Variants in TANGO6 observed in about 807,000 individuals in gnomAD.
TANGO6 encodes transport and Golgi organization protein 6 homolog.
In TANGO6, 90 loss-of-function variants were observed where a neutral mutation model predicts 114.2. The ratio of observed to expected loss-of-function variants is 0.79; its 90% CI spans 0.66 to 0.94. TANGO6 has a LOEUF of 0.94. TANGO6 is among the 40% of genes least tolerant of loss of function. The pLI is 0.00. For synonymous variants in TANGO6, 477 were observed against 509.8 expected, an observed-to-expected ratio of 0.94 and a Z score of 0.87; for missense variants, 1,274 against 1,315.3, an observed-to-expected ratio of 0.97 and a Z score of 0.49.
intron 8 of TANGO6, among the ~76,000 whole-genome samples, 190 bp downstream of exon 8, chr16:68,900,736 T>G (rs890247399): frequency 6.6e-6 from 1 of 152,212 alleles, no homozygotes; most frequent in African/African-American, 2.4e-5. Context: ...CACAGGGCAT[T>G]GGATACAGTT....
rs531638872 is a variant in TANGO6, at chr16:69,040,218, G to A, written c.2995-90G>A. The stretch of plus-strand genomic sequence containing the variant: ...CTCTCTAAGCCAGATTGCTCTTGAT[G>A]AATGTGTAGTAAGTGGAACACAGTT... On this transcript the variant is annotated intron_variant, in intron 16 of 17. Transcript: ENST00000261778. The A allele has an allele frequency of 8.1e-5, 90 of 1,109,956 alleles. 1 individual carries two copies. In the South Asian group the frequency reaches 1.3e-3, roughly 16 times the overall value. The allele number at this position is 1,109,956 out of a possible 1,614,324, so 68.8% of individuals were successfully genotyped here. A position where few individuals can be genotyped will look rare whatever the true frequency, so the allele number is the denominator to read the frequency against.
chr16:68,947,887 C>G (rs114423654), intron 14 of TANGO6, among the ~76,000 whole-genome samples: 3,178 of 152,202 alleles, frequency 0.021, 117 homozygotes, highest in African/African-American at 0.073. Context: ...CCATCACGCC[C>G]AGACTACAAC....
chr16:69,074,295 T>A (rs965123713), intron 17 of TANGO6, among the ~76,000 whole-genome samples: 1 of 149,696 alleles, frequency 6.7e-6, no homozygotes, highest in African/African-American at 2.4e-5. Flanking sequence ...ATATATATAT[T>A]ACAGAAAAGG....
Position 69,022,928 on chromosome 16 carries a change from TG to T in TANGO6, c.2947del (p.Glu983SerfsTer17). 6.2e-7 allele frequency: 1 copy of T among 1,605,218 alleles called. No homozygotes were observed. The highest frequency in any genetic ancestry group is 1.1e-5 in the South Asian group (1 of 89,072). On this transcript the variant is annotated frameshift_variant, in exon 16 of 18. Transcript: ENST00000261778. LOFTEE classifies it high-confidence loss of function. ...ACAGGGCCAGCAGCTTGGCCAACCT[TG>T]GGGAGCTGTGCCAGAGGCTGGACTT... is the stretch of plus-strand genomic sequence containing the variant. ...AHRASSLANL[G>X]ELCQRLDFLL...
At chr16:68,894,853 G>A (rs368292389) in intron 7 of TANGO6, among the ~76,000 whole-genome samples, 55 of 152,014 alleles carry the variant, frequency 3.6e-4, no homozygotes, top group African/African-American at 1.3e-3. Context: ...ACTGTACGTG[G>A]AACTCCCATA....
At position 68,974,112 on chromosome 16, in the gene TANGO6, C is replaced by G. The variant is rs1963737411; in HGVS notation, c.2786C>G (p.Thr929Arg). The G allele has an allele frequency of 6.2e-7, 1 of 1,613,834 alleles. No individual in the cohort carries two copies. ...AQYDSSKDKH[T>R]PETRMKVGEV... ...TATGACAGCAGCAAAGACAAGCACACACCAGAGACCAGAATGAAAGTCGGG... is the reference window on the plus strand; with the variant it reads ...TATGACAGCAGCAAAGACAAGCACAGACCAGAGACCAGAATGAAAGTCGGG... Residue 929 changes from threonine to arginine, a missense_variant, in exon 15 of 18, where the codon ACA becomes AGA. Around this residue, in one of 5 missense-constraint regions of TANGO6, gnomAD observed 238 missense variants for 252.9 expected, o/e 0.94. Coordinates refer to ENST00000261778, the MANE Select transcript of TANGO6 (RefSeq NM_024562.2).
intron 13 of TANGO6, among the ~76,000 whole-genome samples, chr16:68,928,580 G>A (rs918852625): frequency 2.6e-5 from 4 of 151,842 alleles, no homozygotes; most frequent in East Asian, 1.9e-4. Flanking sequence ...GATTACAGGC[G>A]TGAGCCACCA....
At chr16:69,066,559 A>T (rs1960215759) in intron 17 of TANGO6, among the ~76,000 whole-genome samples, 1 of 152,122 alleles carries the variant, frequency 6.6e-6, no homozygotes, top group African/African-American at 2.4e-5. Context: ...GGCCTCCCAA[A>T]GTGCTGGGAT....
chr16:68,968,073 T>C (rs1963663083), intron 14 of TANGO6, among the ~76,000 whole-genome samples: 1 of 148,266 alleles, frequency 6.7e-6, no homozygotes, highest in East Asian at 2.0e-4. Flanking sequence ...CGTAATAACA[T>C]TTTTTTTTTT....
chr16:68,846,667 CTTT>C (rs1260147357), intron 1 of TANGO6: 134 of 124,840 alleles, frequency 1.1e-3, no homozygotes, highest in South Asian at 5.1e-3. Context: ...GGCTAATTTT[CTTT>C]TTTTTTTTTT....
At chr16:68,913,706 G>T (rs1962960492) in intron 11 of TANGO6, among the ~76,000 whole-genome samples, 1 of 151,826 alleles carries the variant, frequency 6.6e-6, no homozygotes, top group South Asian at 2.1e-4. Flanking sequence ...ACTGTGCCCA[G>T]CCTAAATTTT....
intron 15 of TANGO6, among the ~76,000 whole-genome samples, chr16:68,995,104 C>T (rs1963980173): frequency 6.6e-6 from 1 of 152,140 alleles, no homozygotes; most frequent in African/African-American, 2.4e-5. Flanking sequence ...GGGATCTTCT[C>T]ATGGTCCCAA....
intron 1 of TANGO6, among the ~76,000 whole-genome samples, chr16:68,855,787 A>G (rs1596989431): frequency 6.6e-6 from 1 of 151,764 alleles, no homozygotes; most frequent in East Asian, 1.9e-4. Context: ...CAGGAGGCTG[A>G]GGCAGGAGAA....
At chr16:68,979,073 C>T (rs1236871993) in intron 15 of TANGO6, among the ~76,000 whole-genome samples, 1 of 151,648 alleles carries the variant, frequency 6.6e-6, no homozygotes, top group African/African-American at 2.4e-5. Flanking sequence ...GTGTGCGCCA[C>T]CATACCTGGC....
chr16:69,026,434 A>G (rs1959503634), intron 16 of TANGO6: 1 of 181,428 alleles, frequency 5.5e-6, no homozygotes, highest in East Asian at 1.5e-4. Flanking sequence ...CCACTCTTCC[A>G]TAACATCCAG....
intron 7 of TANGO6, among the ~76,000 whole-genome samples, chr16:68,881,755 A>T (rs1250174181): frequency 6.6e-6 from 1 of 152,230 alleles, no homozygotes; most frequent in African/African-American, 2.4e-5. Flanking sequence ...TATGTTCTTT[A>T]TTATCACAGC....
intron 17 of TANGO6, among the ~76,000 whole-genome samples, chr16:69,062,994 G>A (rs1465960625): frequency 6.6e-6 from 1 of 151,346 alleles, no homozygotes; most frequent in Non-Finnish European, 1.5e-5. Context: ...TTGGGAGGCC[G>A]AAACAGGTGA....
chr16:69,028,803 T>G (rs1959546703), intron 16 of TANGO6, among the ~76,000 whole-genome samples: 1 of 144,424 alleles, frequency 6.9e-6, no homozygotes, highest in South Asian at 2.2e-4. Flanking sequence ...TCCACCTGCC[T>G]CAGCCTTCTG....
At chr16:68,873,296 A>G (rs1962307084) in intron 4 of TANGO6, among the ~76,000 whole-genome samples, 1 of 151,480 alleles carries the variant, frequency 6.6e-6, no homozygotes, top group Admixed American at 6.6e-5. Context: ...TGTTTTTGAG[A>G]TTTATTCATG....
Sources: allele counts gnomAD v4.1 joint callset (sites outside exome capture counted in the v4.1 genomes callset), GRCh38; gene constraint gnomAD v4.1.1; regional missense constraint gnomAD v4.1.1; transcripts MANE v1.5; gene names NCBI Gene and HGNC (gene_info 2026-07-23, HGNC 2026-07-21).